Variants in DPPA2 observed in about 807,000 individuals in gnomAD.
DPPA2 encodes the protein developmental pluripotency-associated protein 2.
In DPPA2, 26 loss-of-function variants were observed where a neutral mutation model predicts 36.2. The ratio of observed to expected loss-of-function variants is 0.72; its 90% CI spans 0.53 to 1.00. DPPA2 has a LOEUF of 1.00. Among genes scored for constraint, DPPA2 ranks in the 50% least tolerant of loss-of-function variants. The pLI is 0.00. For missense variants in DPPA2, 361 were observed against 365.1 expected (o/e 0.99, Z 0.09); for synonymous variants, 113 against 123.2 (o/e 0.92, Z 0.55).
chr3:109,296,980 G>A (rs139327955), intron 8 of DPPA2, among the ~76,000 whole-genome samples: 133 of 152,162 alleles, frequency 8.7e-4, no homozygotes, highest in African/African-American at 3.0e-3. Flanking sequence ...GTCCCAGTAG[G>A]ATACTGAGGT....
intron 7 of DPPA2, among the ~76,000 whole-genome samples, chr3:109,301,535 C>T (rs1298134521): frequency 4.6e-5 from 7 of 151,792 alleles, no homozygotes; most frequent in Non-Finnish European, 8.8e-5. Context: ...GCCTGTAATC[C>T]CAGCTACTCC....
chr3:109,300,883 C>T (rs956402606), intron 7 of DPPA2, among the ~76,000 whole-genome samples: 4 of 150,798 alleles, frequency 2.7e-5, no homozygotes, highest in African/African-American at 7.3e-5. Flanking sequence ...GCCCTAAAAC[C>T]TAGGAATGGT....
rs1447026413 is a variant in DPPA2 at position 109,305,572 on chromosome 3, C to T, written c.659-902G>A. 2.6e-5 allele frequency among the ~76,000 whole-genome samples: 4 copies of T among 151,852 alleles called. No homozygotes were observed. In the East Asian group the frequency reaches 5.8e-4, roughly 22 times the overall value. ...GGTGGATCACCTGAGGTCAGGAGTTCGAGACCAGCCTGACCAACATGGCGA... is the reference window on the plus strand; with the variant it reads ...GGTGGATCACCTGAGGTCAGGAGTTTGAGACCAGCCTGACCAACATGGCGA... On this transcript the variant is annotated intron_variant, in intron 6 of 8. Coordinates refer to ENST00000478945, the MANE Select transcript of DPPA2 (RefSeq NM_138815.4).
chr3:109,309,125 C>A, intron 4 of DPPA2, 45 bp downstream of exon 4: 1 of 1,614,072 alleles, frequency 6.2e-7, no homozygotes, highest in African/African-American at 1.3e-5. Context: ...GACAAAGACT[C>A]CCATAATTAT....
In DPPA2 at chr3:109,309,183, C is replaced by T; in HGVS notation, c.329G>A (p.Ser110Asn). ...LRDWCQQLGL[S>N]TNGKKIEVYL... ...AAGTGTACTAACCTTGCCATTAGTACTCAAACCGAGTTGTTGACACCAGTC... is the reference window on the plus strand; with the variant it reads ...AAGTGTACTAACCTTGCCATTAGTATTCAAACCGAGTTGTTGACACCAGTC... The change falls in exon 4 of 9, where the codon AGT (serine) becomes AAT (asparagine). Residue 110 changes from serine to asparagine, a missense_variant. Coordinates refer to ENST00000478945, the MANE Select transcript of DPPA2 (RefSeq NM_138815.4). 1.2e-6 allele frequency: 2 copies of T among 1,614,174 alleles called. No homozygotes were observed. The highest frequency in any genetic ancestry group is 1.1e-5 in the South Asian group (1 of 91,088).
intron 8 of DPPA2, 74 bp downstream of exon 8, chr3:109,300,297 T>C (rs1707435707): frequency 8.2e-7 from 1 of 1,222,042 alleles, no homozygotes; most frequent in Non-Finnish European, 1.2e-6. Flanking sequence ...GAGTTTCTCT[T>C]GTATGTGACT....
At chr3:109,314,143 A>C (rs925192354) in intron 2 of DPPA2, among the ~76,000 whole-genome samples, 5 of 152,124 alleles carry the variant, frequency 3.3e-5, no homozygotes, top group East Asian at 1.9e-4. Flanking sequence ...TTAAAAAAAA[A>C]CTTATTTTTA....
chr3:109,296,302 A>G (rs1326137978), intron 8 of DPPA2, among the ~76,000 whole-genome samples: 2 of 152,228 alleles, frequency 1.3e-5, no homozygotes, highest in East Asian at 3.8e-4. Flanking sequence ...CTTAACTGTA[A>G]AGGAACAAAG....
chr3:109,305,260 T>C (rs1032855222), intron 6 of DPPA2, among the ~76,000 whole-genome samples: 11 of 152,238 alleles, frequency 7.2e-5, no homozygotes, highest in Non-Finnish European at 1.2e-4. Flanking sequence ...TGTGTATTAA[T>C]ACATTTACTC....
chr3:109,310,395 G>A (rs1707681956), intron 3 of DPPA2, among the ~76,000 whole-genome samples: 1 of 104,070 alleles, frequency 9.6e-6, no homozygotes, highest in African/African-American at 4.4e-5. Context: ...GCAATACAGT[G>A]AGACTCTGTC....
chr3:109,298,971 G>A (rs942708957), intron 8 of DPPA2, among the ~76,000 whole-genome samples: 10 of 151,938 alleles, frequency 6.6e-5, no homozygotes, highest in East Asian at 3.9e-4. Flanking sequence ...GCTTGAACAC[G>A]GAAGGCAGAG....
Position 109,309,252 on chromosome 3 carries a change from G to A in DPPA2, c.260C>T (p.Thr87Ile), listed in dbSNP as rs1559698688. 1 of 1,614,198 alleles carries A rather than the reference G, an allele frequency of 6.2e-7. No homozygotes were observed. ...RCKIPALPLP[T>I]ILPPINKVCR... ...CACCTTATTAATGGGAGGCAAAATG[G>A]TCGGCAAGGGAAGGGCTGGTATTTT... is the stretch of plus-strand genomic sequence containing the variant. The change falls in exon 4 of 9, where the codon ACC becomes ATC. Residue 87 changes from threonine to isoleucine, a missense_variant. Coordinates refer to ENST00000478945, the MANE Select transcript of DPPA2 (RefSeq NM_138815.4).
At chr3:109,309,919 T>C (rs979625095) in intron 3 of DPPA2, among the ~76,000 whole-genome samples, 5 of 151,104 alleles carry the variant, frequency 3.3e-5, no homozygotes, top group South Asian at 2.1e-4. Flanking sequence ...CCGTCTCTAC[T>C]AAAAATAGAA....
intron 3 of DPPA2, among the ~76,000 whole-genome samples, chr3:109,310,528 C>T (rs1223837374): frequency 6.7e-5 from 10 of 149,064 alleles, no homozygotes; most frequent in African/African-American, 4.9e-5. Flanking sequence ...TTTTTTGAGA[C>T]GGAGTTTCGC....
chr3:109,296,875 C>T (rs1035274566), intron 8 of DPPA2, among the ~76,000 whole-genome samples: 2 of 151,844 alleles, frequency 1.3e-5, no homozygotes, highest in Non-Finnish European at 2.9e-5. Flanking sequence ...ATCACTTGAG[C>T]CAGGAGTTCG....
intron 8 of DPPA2, chr3:109,295,567 A>G (rs1707338861): frequency 1.3e-5 from 2 of 150,506 alleles, no homozygotes; most frequent in Non-Finnish European, 3.0e-5. Context: ...TTTATACAAT[A>G]CAAGTCTGAT....
intron 1 of DPPA2, among the ~76,000 whole-genome samples, chr3:109,315,276 G>A (rs78721314): frequency 0.013 from 1,952 of 152,258 alleles, 39 homozygotes; most frequent in African/African-American, 0.044. Context: ...ATGCACGGGG[G>A]TATGTTACTC....
intron 7 of DPPA2, among the ~76,000 whole-genome samples, chr3:109,302,996 TA>T (rs1707483879): frequency 6.6e-6 from 1 of 152,158 alleles, no homozygotes; most frequent in Non-Finnish European, 1.5e-5. Flanking sequence ...AATGTAGACA[TA>T]AAATCTTTCA....
Position 109,308,129 on chromosome 3 carries a change from T to G in DPPA2, c.561A>C (p.Ala187=), listed in dbSNP as rs1707613097. The G allele has an allele frequency of 6.2e-7, 1 of 1,614,232 alleles. No individual in the cohort carries two copies. Among genetic ancestry groups the G allele is most frequent in the East Asian group, 2.2e-5 (1 of 44,880 alleles). Reference sequence around the variant, plus strand: ...CTCTTGCAGCAATTCTTGCCCATGATGCCAACATGGCTCCCGGTGCTGAAG... The same window carrying G: ...CTCTTGCAGCAATTCTTGCCCATGAGGCCAACATGGCTCCCGGTGCTGAAG... ...VITSAPGAML[A]SWARIAARAV... is the part of the protein sequence containing the mutation. Residue 187 remains alanine (A), a synonymous_variant, in exon 6 of 9, where the codon GCA becomes GCC. Coordinates refer to ENST00000478945, the MANE Select transcript of DPPA2 (RefSeq NM_138815.4).
Sources: gnomAD v4.1 joint callset for allele counts (sites outside exome capture counted in the v4.1 genomes callset) on GRCh38, gnomAD v4.1.1 for gene constraint, MANE v1.5 for transcripts, NCBI Gene and HGNC (gene_info 2026-07-23, HGNC 2026-07-21) for gene names.